Variants in ST18 observed in about 807,000 individuals in gnomAD.
ST18 encodes suppression of tumorigenicity 18 protein.
A neutral mutation model predicts 110.0 loss-of-function variants in ST18; 50 were observed. That is an observed-to-expected ratio of 0.45 (90% CI 0.36 to 0.58). The LOEUF (loss-of-function observed/expected upper bound fraction) is 0.58, where lower values mean the gene tolerates loss of function less well. Among genes scored for constraint, ST18 ranks in the 20% least tolerant of loss-of-function variants. The pLI, the probability that ST18 is intolerant of heterozygous loss-of-function variation, is 0.00. For missense variants in ST18, 1,306 were observed against 1,280.1 expected, an observed-to-expected ratio of 1.02 and a Z score of -0.31; for synonymous variants, 461 against 452.4, an observed-to-expected ratio of 1.02 and a Z score of -0.24.
At chr8:52,321,319 A>G (rs535390419) in intron 2 of ST18, among the ~76,000 whole-genome samples, 2 of 152,284 alleles carry the variant, frequency 1.3e-5, no homozygotes, top group South Asian at 2.1e-4. Flanking sequence ...TGGCAACATG[A>G]TAATACTTCT....
chr8:52,167,653 A>G (rs1237847922), intron 10 of ST18, among the ~76,000 whole-genome samples: 1 of 152,210 alleles, frequency 6.6e-6, no homozygotes, highest in East Asian at 1.9e-4. Context: ...CTCACTCTAA[A>G]TGCAGAATCT....
At chr8:52,378,010 A>G (rs1424911918) in intron 2 of ST18, among the ~76,000 whole-genome samples, 1 of 152,222 alleles carries the variant, frequency 6.6e-6, no homozygotes, top group African/African-American at 2.4e-5. Context: ...TTGGAAACAC[A>G]AAGACAAATT....
chr8:52,242,212 T>C lies in ST18; in HGVS notation c.-464-12135A>G, dbSNP rs374241216. On this transcript the variant is annotated intron_variant, in intron 2 of 25. Transcript: ENST00000689386. ...AAGATCTAAAATACAAAATAAATAT[T>C]ACAGTGTGTCTAAACATATTAGCAA... Among the ~76,000 whole-genome samples, 7 of 152,346 alleles carry C rather than the reference T, an allele frequency of 4.6e-5. 1 individual carries two copies. The highest frequency in any genetic ancestry group is 1.4e-4 in the African/African-American group (6 of 41,592).
chr8:52,340,835 A>C (rs1814623687), intron 2 of ST18, among the ~76,000 whole-genome samples: 1 of 152,198 alleles, frequency 6.6e-6, no homozygotes, highest in African/African-American at 2.4e-5. Flanking sequence ...GTGTAGTGAG[A>C]AACAAAAAAC....
At chr8:52,296,106 T>C (rs1307873983) in intron 2 of ST18, among the ~76,000 whole-genome samples, 1 of 152,098 alleles carries the variant, frequency 6.6e-6, no homozygotes, top group South Asian at 2.1e-4. Flanking sequence ...CGTCATTTTG[T>C]TTTAACATCA....
intron 2 of ST18, among the ~76,000 whole-genome samples, chr8:52,367,743 G>A (rs1412791372): frequency 6.6e-6 from 1 of 152,158 alleles, no homozygotes; most frequent in Non-Finnish European, 1.5e-5. Context: ...TGACTAAACT[G>A]GTAGTATTAG....
In ST18 at chr8:52,221,634, A is replaced by C. The variant is rs1315585163; in HGVS notation, c.-265+6T>G. On this transcript the variant is annotated splice_donor_region_variant and intron_variant, in intron 4 of 25. Transcript: ENST00000689386. ...GTTCTGATGTTTTAAAACACAAGCC[A>C]CCAACCTTTCTTGCAGAAAATTTCT... is the stretch of plus-strand genomic sequence containing the variant. 2.0e-5 allele frequency: 3 copies of C among 152,218 alleles called. No individual in the cohort carries two copies. The highest frequency in any genetic ancestry group is 2.9e-5 in the Non-Finnish European group (2 of 68,036). The allele number at this position is 152,218 out of a possible 1,614,324, so 9.4% of individuals were successfully genotyped here.
intron 2 of ST18, among the ~76,000 whole-genome samples, chr8:52,274,172 T>G (rs1256296591): frequency 6.6e-6 from 1 of 152,136 alleles, no homozygotes; most frequent in Non-Finnish European, 1.5e-5. Flanking sequence ...AACTAAAAGA[T>G]GGAAATGTAT....
At chr8:52,169,452 T>C (rs1289754540) in intron 10 of ST18, among the ~76,000 whole-genome samples, 2 of 152,134 alleles carry the variant, frequency 1.3e-5, no homozygotes, top group Non-Finnish European at 2.9e-5. Context: ...ACTAAATGCT[T>C]AGTGGCAAGA....
At chr8:52,406,308 A>G (rs926903978) in intron 2 of ST18, 14 of 152,254 alleles carry the variant, frequency 9.2e-5, no homozygotes, top group African/African-American at 2.9e-4. Context: ...CTCTTCCTGT[A>G]AGTAAAATGC....
chr8:52,409,569 C>T lies in ST18; in HGVS notation c.-611G>A. On this transcript the variant is annotated 5_prime_UTR_variant, in exon 1 of 26. In the 5' UTR this introduces an upstream ATG that the reference lacks. Transcript: ENST00000689386. ...GCACCTTCCACAACTCTGCCAGGCA[C>T]TGGTTTTTGCGTGGGATGATGCCAG... 6.6e-6 allele frequency: 1 copy of T among 152,206 alleles called. No homozygotes were observed. Among genetic ancestry groups the T allele is most frequent in the East Asian group, 1.9e-4 (1 of 5,204 alleles). 9.4% of individuals were successfully genotyped at this position (152,206 alleles called of 1,614,324 possible). A position where few individuals can be genotyped will look rare whatever the true frequency, so the allele number is the denominator to read the frequency against.
intron 15 of ST18, among the ~76,000 whole-genome samples, chr8:52,156,540 A>T (rs897882665): frequency 6.6e-6 from 1 of 152,226 alleles, no homozygotes; most frequent in Admixed American, 6.5e-5. Context: ...GGCAGCACTG[A>T]TAACAGAAAA....
At chr8:52,283,873 G>A (rs1386257549) in intron 2 of ST18, among the ~76,000 whole-genome samples, 3 of 152,164 alleles carry the variant, frequency 2.0e-5, no homozygotes, top group South Asian at 2.1e-4. Flanking sequence ...GAGGAAGCAC[G>A]GGAGGTTTAA....
At chr8:52,336,762 G>T (rs2140141616) in intron 2 of ST18, among the ~76,000 whole-genome samples, 1 of 152,276 alleles carries the variant, frequency 6.6e-6, no homozygotes, top group Non-Finnish European at 1.5e-5. Context: ...CTGGAATTGG[G>T]CAAGGAGCCA....
chr8:52,312,645 T>G (rs1422321267), intron 2 of ST18, among the ~76,000 whole-genome samples: 4 of 152,166 alleles, frequency 2.6e-5, no homozygotes, highest in Non-Finnish European at 5.9e-5. Flanking sequence ...AGTGAGTGCA[T>G]TCTTCTCTAT....
chr8:52,269,542 T>C (rs971327848), intron 2 of ST18, among the ~76,000 whole-genome samples: 10 of 152,080 alleles, frequency 6.6e-5, no homozygotes, highest in African/African-American at 2.4e-4. Context: ...CAAATAAGGG[T>C]GACTCCATGC....
chr8:52,203,870 C>T (rs977298610), intron 8 of ST18, among the ~76,000 whole-genome samples: 1 of 152,126 alleles, frequency 6.6e-6, no homozygotes, highest in Non-Finnish European at 1.5e-5. Flanking sequence ...CCCAAATTAC[C>T]AAAGCTGCAA....
intron 3 of ST18, among the ~76,000 whole-genome samples, chr8:52,225,472 G>C (rs1234210018): frequency 2.0e-5 from 3 of 152,158 alleles, no homozygotes; most frequent in Non-Finnish European, 4.4e-5. Flanking sequence ...TGCTTTGGGG[G>C]GCCAGTTTCT....
intron 2 of ST18, among the ~76,000 whole-genome samples, chr8:52,385,379 C>T (rs1198211772): frequency 6.6e-6 from 1 of 152,166 alleles, no homozygotes; most frequent in East Asian, 1.9e-4. Flanking sequence ...GCAGGCGGAT[C>T]ACCTGAGGTC....
Sources: allele counts gnomAD v4.1 joint callset (sites outside exome capture counted in the v4.1 genomes callset), GRCh38; gene constraint gnomAD v4.1.1; transcripts MANE v1.5; gene names NCBI Gene and HGNC (gene_info 2026-07-23, HGNC 2026-07-21).